Variants in MED15 observed in about 807,000 individuals in gnomAD.
The protein encoded by MED15 is mediator complex subunit 15, also known as mediator of RNA polymerase II transcription subunit 15.
MED15 carries 41 observed loss-of-function variants against 118.7 expected under a neutral mutation model. That is an observed-to-expected ratio of 0.35 (90% CI 0.27 to 0.45). MED15 has a LOEUF of 0.45. MED15 is among the 20% of genes least tolerant of loss of function. The pLI, the probability that MED15 is intolerant of heterozygous loss-of-function variation, is 1.00. For missense variants in MED15, 740 were observed against 1,025.5 expected, an observed-to-expected ratio of 0.72 and a Z score of 3.80; for synonymous variants, 436 against 413.9, an observed-to-expected ratio of 1.05 and a Z score of -0.65.
At chr22:20,546,502 G>GT (rs139110861) in intron 2 of MED15, among the ~76,000 whole-genome samples, 10,933 of 108,844 alleles carry the variant, frequency 0.1, 1,431 homozygotes, top group East Asian at 0.35. Flanking sequence ...GTTACATGGA[G>GT]TTTTTTTTGT....
At chr22:20,585,038 T>G (rs776071840) in intron 15 of MED15, 23 bp downstream of exon 15, 2 of 1,613,788 alleles carry the variant, frequency 1.2e-6, no homozygotes, top group Admixed American at 3.3e-5. Context: ...GGGCTGGGCT[T>G]TGCGGAGGGC....
At chr22:20,533,815 G>C (rs147110924) in intron 1 of MED15, among the ~76,000 whole-genome samples, 8 of 152,206 alleles carry the variant, frequency 5.3e-5, no homozygotes, top group Non-Finnish European at 1.0e-4. Flanking sequence ...TACATCCCCT[G>C]GTGTATGGTG....
intron 8 of MED15, among the ~76,000 whole-genome samples, chr22:20,570,029 CTT>C (rs1013542676): frequency 6.6e-6 from 1 of 152,132 alleles, no homozygotes; most frequent in Admixed American, 6.5e-5. Context: ...TTCCTGGAAA[CTT>C]TTTTTATTTT....
chr22:20,520,448 C>G lies in MED15; in HGVS notation c.68+12702C>G, dbSNP rs544770530. On this transcript the variant is annotated intron_variant, in intron 1 of 17. Coordinates refer to ENST00000263205, the MANE Select transcript of MED15 (RefSeq NM_001003891.3). ...CAAGTGCTGTCAGTCTGCTTTGATT[C>G]GTGTGAGGGAGAAGTCCCTGCCAAG... Among the ~76,000 whole-genome samples, 7 of 152,330 alleles carry G rather than the reference C, an allele frequency of 4.6e-5. No homozygotes were observed. The South Asian group carries it at 1.4e-3, about 32-fold the overall frequency.
At chr22:20,515,679 G>C (rs2054225245) in intron 1 of MED15, among the ~76,000 whole-genome samples, 1 of 151,670 alleles carries the variant, frequency 6.6e-6, no homozygotes, top group Non-Finnish European at 1.5e-5. Flanking sequence ...AGTCCCGGTG[G>C]GGAGGCTGAG....
At chr22:20,523,035 C>T (rs1454854721) in intron 1 of MED15, 1 of 152,190 alleles carries the variant, frequency 6.6e-6, no homozygotes, top group Non-Finnish European at 1.5e-5. Context: ...GACTGAAAAA[C>T]AGGAAGGTGT....
At chr22:20,523,661 G>C in intron 1 of MED15, 1 of 985,386 alleles carries the variant, frequency 1.0e-6, no homozygotes, top group Non-Finnish European at 1.2e-6. Flanking sequence ...GCCTGGTGGT[G>C]AATGGGACAC....
chr22:20,585,225 CACTGCAGCA>C lies in MED15; in HGVS notation c.2092_2100del (p.Cys698_Asn700del), dbSNP rs1245588020. Reference sequence around the variant, plus strand: ...GTTCCTGGTAAACCTGGACCCTTCTCACTGCAGCAACAATGGCACTGTCCACCTGATCTG... The same window carrying C: ...GTTCCTGGTAAACCTGGACCCTTCTCACAATGGCACTGTCCACCTGATCTG... On this transcript the variant is annotated inframe_deletion, in exon 16 of 18. Transcript: ENST00000263205. 1 of 1,613,706 alleles carries C rather than the reference CACTGCAGCA, an allele frequency of 6.2e-7. No homozygotes were observed.
chr22:20,508,168 A>T, intron 1 of MED15: 1 of 1,215,084 alleles, frequency 8.2e-7, no homozygotes, highest in Non-Finnish European at 1.1e-6. Context: ...TGATGGGAGG[A>T]GGGTGGATGT....
chr22:20,575,038 G>A (rs1277753959), intron 8 of MED15, 75 bp from the exon 9 acceptor site: 14 of 1,596,220 alleles, frequency 8.8e-6, no homozygotes, highest in African/African-American at 2.7e-5. Context: ...GAGGCTACAC[G>A]TGCCCTCTCC....
intron 8 of MED15, among the ~76,000 whole-genome samples, chr22:20,572,320 C>T (rs372246883): frequency 6.6e-6 from 1 of 152,206 alleles, no homozygotes; most frequent in East Asian, 1.9e-4. Context: ...CCGCGTGCTG[C>T]GGAAACAGGC....
intron 1 of MED15, among the ~76,000 whole-genome samples, chr22:20,526,371 A>G (rs144815252): frequency 1.8e-4 from 28 of 152,300 alleles, no homozygotes; most frequent in Middle Eastern, 6.8e-3. Flanking sequence ...TGCTTTTGCA[A>G]CTTGGCGTTT....
At chr22:20,512,945 T>C (rs1207397599) in intron 1 of MED15, among the ~76,000 whole-genome samples, 1 of 152,032 alleles carries the variant, frequency 6.6e-6, no homozygotes, top group Non-Finnish European at 1.5e-5. Context: ...TTTCACCATG[T>C]TGGTCAGGCT....
chr22:20,564,615 A>T lies in MED15; in HGVS notation c.617A>T (p.Gln206Leu), dbSNP rs749781519. ...MQQQFQAVVQ[Q>L]QQQLQQQQQQ... ...CAGCAGTTCCAAGCAGTAGTGCAGC[A>T]GCAGCAGCAGCTCCAGCAGCAGCAG... The change falls in exon 6 of 18, where the codon CAG becomes CTG. Residue 206 changes from glutamine (Q) to leucine (L), a missense_variant. By Grantham distance (113) the Gln-to-Leu change is moderately radical. This residue lies in a region of MED15 where 384 missense variants were observed against 506.3 expected (regional missense o/e 0.76). Transcript: ENST00000263205. 10 of 1,610,268 alleles carry T rather than the reference A, an allele frequency of 6.2e-6. No individual in the cohort carries two copies. Among genetic ancestry groups the T allele is most frequent in the Non-Finnish European group, 7.6e-6 (9 of 1,178,026 alleles).
chr22:20,539,012 A>G (rs1433570124), intron 2 of MED15, among the ~76,000 whole-genome samples: 1 of 151,764 alleles, frequency 6.6e-6, no homozygotes, highest in Admixed American at 6.6e-5. Context: ...CGTACAATAT[A>G]TGTTTTTATT....
chr22:20,564,852 C>T (rs1026041416), intron 6 of MED15, among the ~76,000 whole-genome samples, 164 bp downstream of exon 6: 5 of 152,162 alleles, frequency 3.3e-5, no homozygotes, highest in South Asian at 4.1e-4. Flanking sequence ...GGGACAAGGC[C>T]GGGCCCAGTG....
At chr22:20,541,163 C>T (rs191820380) in intron 2 of MED15, among the ~76,000 whole-genome samples, 4 of 152,134 alleles carry the variant, frequency 2.6e-5, no homozygotes, top group East Asian at 3.9e-4. Context: ...GGCGTGAACC[C>T]GGGAGGTGGA....
rs1203866846 is a variant in MED15, at chr22:20,507,696, A to G, written c.18A>G (p.Gln6=). The G allele has an allele frequency of 1.2e-6, 2 of 1,613,952 alleles. No homozygotes were observed. Among genetic ancestry groups the G allele is most frequent in the East Asian group, 2.2e-5 (1 of 44,892 alleles). ...GAACAGGCATGGACGTTTCCGGGCA[A>G]GAGACCGACTGGCGGAGCACCGCCT... is the stretch of plus-strand genomic sequence containing the variant. MDVSG[Q]ETDWRSTAFR... Residue 6 remains glutamine (Q), a synonymous_variant, in exon 1 of 18, where the codon CAA becomes CAG. Coordinates refer to ENST00000263205, the MANE Select transcript of MED15 (RefSeq NM_001003891.3).
At chr22:20,553,293 G>C in intron 4 of MED15, 119 bp downstream of exon 4, 2 of 1,066,898 alleles carry the variant, frequency 1.9e-6, no homozygotes, top group Admixed American at 2.1e-5. Context: ...GAATGCTTGC[G>C]GAGAGAACTC....
Sources: gnomAD v4.1 joint callset for allele counts (sites outside exome capture counted in the v4.1 genomes callset) on GRCh38, gnomAD v4.1.1 for gene constraint, gnomAD v4.1.1 regional missense constraint, MANE v1.5 for transcripts, NCBI Gene and HGNC (gene_info 2026-07-23, HGNC 2026-07-21) for gene names.